The following MAP2K3 variants were observed in gnomAD, a reference collection of about 807,000 sequenced individuals.
The protein encoded by MAP2K3 is dual specificity mitogen-activated protein kinase kinase 3.
In MAP2K3, 30 loss-of-function variants were observed where a neutral mutation model predicts 46.4. The observed-to-expected ratio is 0.65, with a 90% CI of 0.48 to 0.88. The LOEUF is 0.88. Among genes scored for constraint, MAP2K3 ranks in the 40% least tolerant of loss-of-function variants. MAP2K3 has a pLI of 0.00. For missense variants in MAP2K3, 380 were observed against 464.5 expected (o/e 0.82, Z 1.67); for synonymous variants, 189 against 176.3 (o/e 1.07, Z -0.57).
chr17:21,301,255 C>T (rs922377189), intron 5 of MAP2K3, among the ~76,000 whole-genome samples: 11 of 152,368 alleles, frequency 7.2e-5, no homozygotes, highest in Admixed American at 1.3e-4. Context: ...CATTCAGCTG[C>T]ACTCAGTTCT....
intron 1 of MAP2K3, among the ~76,000 whole-genome samples, chr17:21,288,928 C>T (rs765208964): frequency 2.0e-5 from 3 of 152,262 alleles, no homozygotes; most frequent in Non-Finnish European, 4.4e-5. Context: ...AGCCCTCAGT[C>T]TCCTCTTCTG....
At chr17:21,287,089 C>T (rs1449092908) in intron 1 of MAP2K3, among the ~76,000 whole-genome samples, 1 of 152,250 alleles carries the variant, frequency 6.6e-6, no homozygotes, top group East Asian at 1.9e-4. Flanking sequence ...GACTGTGTTT[C>T]CACAGTGGCC....
At chr17:21,299,274 T>A (rs1236808036) in intron 3 of MAP2K3, among the ~76,000 whole-genome samples, 2 of 152,312 alleles carry the variant, frequency 1.3e-5, no homozygotes, top group Non-Finnish European at 2.9e-5. Flanking sequence ...GATCACTCCC[T>A]CAGGCCAGCA....
chr17:21,306,838 T>G (rs1339054415), intron 9 of MAP2K3, among the ~76,000 whole-genome samples: 4 of 152,412 alleles, frequency 2.6e-5, no homozygotes, highest in Non-Finnish European at 5.9e-5. Context: ...CAGGCTGGAG[T>G]GCAGTGGTAT....
intron 1 of MAP2K3, among the ~76,000 whole-genome samples, chr17:21,297,684 C>A (rs1359412638): frequency 1.4e-5 from 2 of 146,772 alleles, no homozygotes; most frequent in Non-Finnish European, 3.0e-5. Context: ...GTGCTGTGCA[C>A]CTGGCCAGGC....
chr17:21,298,454 T>C lies in MAP2K3; in HGVS notation c.91T>C (p.Ser31Pro). The C allele has an allele frequency of 6.2e-7, 1 of 1,614,318 alleles. No homozygotes were observed. The highest frequency in any genetic ancestry group is 1.3e-5 in the African/African-American group (1 of 75,090). Residue 31 changes from serine (S) to proline (P), a missense_variant, in exon 2 of 12, where the codon TCC (serine) becomes CCC (proline). By Grantham distance (74) the Ser-to-Pro change is moderately conservative. This residue lies in a region of MAP2K3 where 294 missense variants were observed against 275.4 expected (regional missense o/e 1.07). Coordinates refer to ENST00000342679, the MANE Select transcript of MAP2K3 (RefSeq NM_145109.3). ...RKKDLRISCM[S>P]KPPAPNPTPP... ...GAAGGATCTACGGATATCCTGCATGTCCAAGCCACCCGCACCCAACCCCAC... is the reference window on the plus strand; with the variant it reads ...GAAGGATCTACGGATATCCTGCATGCCCAAGCCACCCGCACCCAACCCCAC...
chr17:21,296,020 A>C lies in MAP2K3; in HGVS notation c.50-2393A>C. 3.9e-6 allele frequency: 5 copies of C among 1,281,670 alleles called. No individual in the cohort carries two copies. In the South Asian group the frequency reaches 6.2e-5, roughly 16 times the overall value. The allele number at this position is 1,281,670 out of a possible 1,614,324, so 79.4% of individuals were successfully genotyped here. ...TTATATTCTGGTTACGAAAAGCCTG[A>C]CATCAGGAATAAAAGCTACCTATAA... On this transcript the variant is annotated intron_variant, in intron 1 of 11. Coordinates refer to ENST00000342679, the MANE Select transcript of MAP2K3 (RefSeq NM_145109.3).
chr17:21,293,618 G>A (rs1434945424), intron 1 of MAP2K3, among the ~76,000 whole-genome samples: 1 of 152,312 alleles, frequency 6.6e-6, no homozygotes, highest in Non-Finnish European at 1.5e-5. Flanking sequence ...GTAGGGTAGA[G>A]AGGTGGGGAG....
chr17:21,303,133 C>T, intron 6 of MAP2K3, 50 bp from the exon 7 acceptor site: 1 of 1,612,086 alleles, frequency 6.2e-7, no homozygotes, highest in East Asian at 2.2e-5. Context: ...TTTGACGTGA[C>T]CAGGAATAAC....
In MAP2K3 at chr17:21,298,733, C is replaced by T. The variant is rs567772963; in HGVS notation, c.117-145C>T. Reference sequence around the variant, plus strand: ...CAGCTCAGTGTAGATGCTCAGCAGCCAGTGAGAGGAGGTGGCCGGAGAAGG... The same window carrying T: ...CAGCTCAGTGTAGATGCTCAGCAGCTAGTGAGAGGAGGTGGCCGGAGAAGG... On this transcript the variant is annotated intron_variant, in intron 2 of 11. Transcript: ENST00000342679. The T allele has an allele frequency of 1.1e-5, 14 of 1,247,672 alleles. No homozygotes were observed. The Admixed American group carries it at 1.7e-4, about 15-fold the overall frequency. The allele number at this position is 1,247,672 out of a possible 1,614,324, so 77.3% of individuals were successfully genotyped here.
At chr17:21,308,773 C>T (rs538069332) in intron 9 of MAP2K3, among the ~76,000 whole-genome samples, 53 of 152,284 alleles carry the variant, frequency 3.5e-4, no homozygotes, top group Non-Finnish European at 5.7e-4. Context: ...GACTACCTCA[C>T]ACATACACAC....
At position 21,303,008 on chromosome 17, in the gene MAP2K3, G is replaced by C. The variant is rs531597032; in HGVS notation, c.517-175G>C. 2.0e-5 allele frequency among the ~76,000 whole-genome samples: 3 copies of C among 152,430 alleles called. No individual in the cohort carries two copies. The South Asian group carries it at 6.2e-4, about 32-fold the overall frequency. On this transcript the variant is annotated intron_variant, in intron 6 of 11. Coordinates refer to ENST00000342679, the MANE Select transcript of MAP2K3 (RefSeq NM_145109.3). ...GAGTGTGTCTGCACCAGGATTGTTA[G>C]GATGCTGGGGCAAATGCCAGGACAG...
At chr17:21,311,988 T>C (rs1459025678) in intron 9 of MAP2K3, 154 bp from the exon 10 acceptor site, 4 of 703,506 alleles carry the variant, frequency 5.7e-6, no homozygotes, top group Non-Finnish European at 8.6e-6. Context: ...CTTTCTCGCC[T>C]TTGTTCTGCT....
At chr17:21,287,476 C>T (rs974659572) in intron 1 of MAP2K3, among the ~76,000 whole-genome samples, 20 of 152,270 alleles carry the variant, frequency 1.3e-4, no homozygotes, top group African/African-American at 3.9e-4. Context: ...GAGTGGCTGG[C>T]GCTTGACCTT....
In MAP2K3 at chr17:21,295,046, C is replaced by T. The variant is rs919334111; in HGVS notation, c.50-3367C>T. On this transcript the variant is annotated intron_variant, in intron 1 of 11. Coordinates refer to ENST00000342679, the MANE Select transcript of MAP2K3 (RefSeq NM_145109.3). ...AGGGAGAGCCGGTCACTGGGGCCTG[C>T]GCAGTCAGGCAGCCTCTCTGAACTG... Among the ~76,000 whole-genome samples, 12 of 152,408 alleles carry T rather than the reference C, an allele frequency of 7.9e-5. No homozygotes were observed. In the East Asian group the frequency reaches 1.2e-3, roughly 15 times the overall value.
At chr17:21,314,002 G>C (rs1977288603) in intron 11 of MAP2K3, 145 bp from the exon 12 acceptor site, 1 of 692,228 alleles carries the variant, frequency 1.4e-6, no homozygotes. Context: ...CAGTCATGGA[G>C]GGCCTCCTGG....
At chr17:21,298,323 CT>C (rs745521841) in intron 1 of MAP2K3, 89 bp from the exon 2 acceptor site, 1 of 1,577,924 alleles carries the variant, frequency 6.3e-7, no homozygotes, top group Admixed American at 1.7e-5. Flanking sequence ...GGCTGGCACC[CT>C]TGTGGGCCAG....
intron 1 of MAP2K3, chr17:21,287,882 C>T (rs1975763940): frequency 2.3e-6 from 1 of 432,022 alleles, no homozygotes; most frequent in South Asian, 1.7e-5. Context: ...TCATAGAGCA[C>T]TGTTGTATCC....
intron 9 of MAP2K3, among the ~76,000 whole-genome samples, chr17:21,307,944 C>G (rs1976979371): frequency 1.3e-5 from 2 of 151,974 alleles, no homozygotes; most frequent in South Asian, 4.2e-4. Context: ...CAACCTCTGC[C>G]TCTCGCGTTC....
Sources: allele counts gnomAD v4.1 joint callset (sites outside exome capture counted in the v4.1 genomes callset), GRCh38; gene constraint gnomAD v4.1.1; regional missense constraint gnomAD v4.1.1; transcripts MANE v1.5; gene names NCBI Gene and HGNC (gene_info 2026-07-23, HGNC 2026-07-21).